The following MDGA2 variants were observed in gnomAD, a reference collection of about 807,000 sequenced individuals.
MDGA2 encodes the protein MAM domain containing glycosylphosphatidylinositol anchor 2, also known as MAM domain-containing glycosylphosphatidylinositol anchor protein 2.
In MDGA2, 40 loss-of-function variants were observed where a neutral mutation model predicts 117.8. The observed-to-expected ratio is 0.34, with a 90% CI of 0.26 to 0.44. The LOEUF is 0.44. Among genes scored for constraint, MDGA2 ranks in the 20% least tolerant of loss-of-function variants. MDGA2 has a pLI of 1.00. For missense variants in MDGA2, 1,123 were observed against 1,250.6 expected (o/e 0.90, Z 1.54); for synonymous variants, 452 against 439.0 (o/e 1.03, Z -0.37).
At chr14:47,046,473 G>A (rs1169982060) in intron 7 of MDGA2, among the ~76,000 whole-genome samples, 2 of 150,852 alleles carry the variant, frequency 1.3e-5, no homozygotes, top group African/African-American at 2.4e-5. Context: ...GAGAGGGGAG[G>A]GAAAACATCA....
chr14:47,356,325 C>T (rs905402224), intron 1 of MDGA2, among the ~76,000 whole-genome samples: 2 of 152,206 alleles, frequency 1.3e-5, no homozygotes, highest in Non-Finnish European at 2.9e-5. Flanking sequence ...CCCTCTTTCA[C>T]TCTGTTAGGT....
intron 1 of MDGA2, among the ~76,000 whole-genome samples, chr14:47,597,502 G>A (rs577914949): frequency 6.6e-6 from 1 of 151,878 alleles, no homozygotes; most frequent in East Asian, 1.9e-4. Flanking sequence ...AGCCCCGGGG[G>A]TGTCATGGAA....
intron 1 of MDGA2, among the ~76,000 whole-genome samples, chr14:47,333,493 A>G (rs898408653): frequency 1.6e-4 from 24 of 151,998 alleles, no homozygotes; most frequent in African/African-American, 5.8e-4. Flanking sequence ...AAATATGAAA[A>G]TCTTTATTTT....
intron 1 of MDGA2, among the ~76,000 whole-genome samples, chr14:47,666,977 A>C (rs1318100039): frequency 6.6e-6 from 1 of 152,120 alleles, no homozygotes; most frequent in African/African-American, 2.4e-5. Flanking sequence ...CACTAGAAGG[A>C]AAAAACTCCG....
chr14:47,148,078 C>T (rs955017563), intron 3 of MDGA2, among the ~76,000 whole-genome samples: 5 of 152,172 alleles, frequency 3.3e-5, no homozygotes, highest in Non-Finnish European at 5.9e-5. Flanking sequence ...AACAGTCCTA[C>T]CAACAGCCTC....
At chr14:47,471,716 A>G (rs1893732373) in intron 1 of MDGA2, among the ~76,000 whole-genome samples, 1 of 152,090 alleles carries the variant, frequency 6.6e-6, no homozygotes, top group African/African-American at 2.4e-5. Flanking sequence ...ATATTTACTC[A>G]TTGGGAATTA....
intron 1 of MDGA2, among the ~76,000 whole-genome samples, chr14:47,482,441 A>G (rs1332551788): frequency 6.6e-6 from 1 of 152,068 alleles, no homozygotes; most frequent in African/African-American, 2.4e-5. Flanking sequence ...TCTAAGTAAA[A>G]CTATGACATA....
At position 46,929,625 on chromosome 14, in the gene MDGA2, A is replaced by G. The variant is rs1411252393; in HGVS notation, c.2090-9465T>C. Among the ~76,000 whole-genome samples the G allele has an allele frequency of 1.9e-3, 48 of 24,998 alleles. 8 individuals are homozygous for G. Among genetic ancestry groups the G allele is most frequent in the East Asian group, 0.013 (18 of 1,406 alleles). The allele number at this position is 24,998 out of a possible 152,430, so 16.4% of individuals were successfully genotyped here. A position where few individuals can be genotyped will look rare whatever the true frequency, so the allele number is the denominator to read the frequency against. ...TGTATATATATATATATATATATAT[A>G]TATATATATATATATATATATACAT... is the stretch of plus-strand genomic sequence containing the variant. On this transcript the variant is annotated intron_variant, in intron 9 of 16. Coordinates refer to ENST00000399232, the MANE Select transcript of MDGA2 (RefSeq NM_001113498.3).
chr14:47,030,121 C>G (rs1241286509), intron 8 of MDGA2, among the ~76,000 whole-genome samples: 1 of 152,008 alleles, frequency 6.6e-6, no homozygotes, highest in African/African-American at 2.4e-5. Context: ...CCACCCCCCG[C>G]CCACATATCC....
intron 1 of MDGA2, among the ~76,000 whole-genome samples, chr14:47,365,731 T>A (rs1391804737): frequency 6.6e-6 from 1 of 152,216 alleles, no homozygotes; most frequent in Non-Finnish European, 1.5e-5. Flanking sequence ...AGGAAGGACA[T>A]TAATACGCAG....
intron 9 of MDGA2, 136 bp from the exon 10 acceptor site, chr14:46,920,296 G>A (rs988460023): frequency 2.4e-6 from 2 of 819,450 alleles, no homozygotes; most frequent in African/African-American, 3.6e-5. Context: ...TTCTGGATAT[G>A]TTTTGAGAAC....
At chr14:47,168,284 C>CAA (rs563280796) in intron 3 of MDGA2, among the ~76,000 whole-genome samples, 14,808 of 59,838 alleles carry the variant, frequency 0.25, 1,150 homozygotes, top group Non-Finnish European at 0.3. Context: ...AACTCCATCT[C>CAA]AAAAAAAAAA....
At chr14:47,040,158 A>T (rs1256919705) in intron 7 of MDGA2, among the ~76,000 whole-genome samples, 1 of 152,152 alleles carries the variant, frequency 6.6e-6, no homozygotes, top group Non-Finnish European at 1.5e-5. Flanking sequence ...ATAGAGAAAC[A>T]CAGTACAAAA....
chr14:46,982,689 CAG>C (rs1886718346), intron 8 of MDGA2, among the ~76,000 whole-genome samples: 1 of 103,196 alleles, frequency 9.7e-6, no homozygotes, highest in Non-Finnish European at 1.7e-5. Flanking sequence ...AGCCTGGTGA[CAG>C]AGGGAGACTC....
chr14:46,968,405 G>A (rs1317487994), intron 8 of MDGA2, among the ~76,000 whole-genome samples: 1 of 152,084 alleles, frequency 6.6e-6, no homozygotes, highest in East Asian at 1.9e-4. Flanking sequence ...CATAGTACTG[G>A]ATGTCCGAGG....
intron 3 of MDGA2, among the ~76,000 whole-genome samples, chr14:47,186,365 C>T (rs994478275): frequency 1.4e-4 from 21 of 151,494 alleles, no homozygotes; most frequent in African/African-American, 5.1e-4. Context: ...CAAAATAAGA[C>T]AAACTTGAAA....
intron 2 of MDGA2, among the ~76,000 whole-genome samples, chr14:47,273,486 T>G (rs1888212941): frequency 6.6e-6 from 1 of 152,164 alleles, no homozygotes; most frequent in Non-Finnish European, 1.5e-5. Context: ...TTTTGAATTA[T>G]AAGATCCTTA....
chr14:47,612,708 T>C (rs998668731), intron 1 of MDGA2, among the ~76,000 whole-genome samples: 1 of 152,204 alleles, frequency 6.6e-6, no homozygotes, highest in African/African-American at 2.4e-5. Context: ...ACTTTGTTTT[T>C]TTCCCACAAG....
chr14:47,612,435 A>G (rs1896868418), intron 1 of MDGA2, among the ~76,000 whole-genome samples: 1 of 152,158 alleles, frequency 6.6e-6, no homozygotes, highest in Non-Finnish European at 1.5e-5. Flanking sequence ...GTTTTTTTCA[A>G]ATACAAGCTT....
Sources: gnomAD v4.1 joint callset for allele counts (sites outside exome capture counted in the v4.1 genomes callset) on GRCh38, gnomAD v4.1.1 for gene constraint, MANE v1.5 for transcripts, NCBI Gene and HGNC (gene_info 2026-07-23, HGNC 2026-07-21) for gene names.